The following BRSK2 variants were observed in gnomAD, a reference collection of about 807,000 sequenced individuals.
BRSK2 encodes BR serine/threonine kinase 2.
Under a neutral mutation model 83.3 loss-of-function variants are expected in BRSK2, and 19 were observed. That is an observed-to-expected ratio of 0.23 (90% confidence interval 0.16 to 0.33). The LOEUF is 0.33. BRSK2 is among the 10% of genes least tolerant of loss of function. The pLI, the probability that BRSK2 is intolerant of heterozygous loss-of-function variation, is 1.00. For synonymous variants in BRSK2, 519 were observed against 435.4 expected (o/e 1.19, Z -2.39); for missense variants, 798 against 1,042.3 (o/e 0.77, Z 3.23).
intron 1 of BRSK2, among the ~76,000 whole-genome samples, chr11:1,413,235 C>T (rs568930021): frequency 1.2e-4 from 19 of 152,220 alleles, no homozygotes; most frequent in South Asian, 1.2e-3. Context: ...GACGGCCCCT[C>T]GGGACACCCC....
At chr11:1,391,208 A>C (rs991896784) in intron 1 of BRSK2, among the ~76,000 whole-genome samples, 1 of 152,214 alleles carries the variant, frequency 6.6e-6, no homozygotes, top group African/African-American at 2.4e-5. Context: ...GGTCAGGCAC[A>C]TTCACAGAGT....
intron 16 of BRSK2, among the ~76,000 whole-genome samples, chr11:1,455,066 C>T (rs1394299764): frequency 5.3e-5 from 8 of 152,174 alleles, no homozygotes; most frequent in Admixed American, 1.3e-4. Context: ...TCCCTGGTCT[C>T]ACCCTGCCCT....
intron 1 of BRSK2, among the ~76,000 whole-genome samples, chr11:1,428,747 CATG>C (rs1171352209): frequency 6.6e-6 from 1 of 152,174 alleles, no homozygotes; most frequent in African/African-American, 2.4e-5. Context: ...CGTATGTGTG[CATG>C]ATGGTATGTG....
Position 1,395,308 on chromosome 11 carries a change from A to G in BRSK2, c.91+4933A>G, listed in dbSNP as rs534333468. Among the ~76,000 whole-genome samples the G allele has an allele frequency of 4.6e-5, 7 of 152,278 alleles. No homozygotes were observed. The South Asian group carries it at 6.2e-4, about 14-fold the overall frequency. On this transcript the variant is annotated intron_variant, in intron 1 of 19. Coordinates refer to ENST00000528841, the MANE Select transcript of BRSK2 (RefSeq NM_001256627.2). ...AGCCCGGGGAGCCAGCATGGTGGGT[A>G]GCCCTCCCATCTGAAGTCTCCCTGG...
chr11:1,462,236 C>T lies in BRSK2; in HGVS notation c.*1513C>T, dbSNP rs891421859. On this transcript the variant is annotated 3_prime_UTR_variant, in exon 20 of 20. Coordinates refer to ENST00000528841, the MANE Select transcript of BRSK2 (RefSeq NM_001256627.2). ...CCCGCCGCCGTGCTTCACCCCAGCT[C>T]CAGCTTCTGTGTTCCCTTCCGCCCA... 4 of 152,460 alleles carry T rather than the reference C, an allele frequency of 2.6e-5. No individual in the cohort carries two copies. Among genetic ancestry groups the T allele is most frequent in the Non-Finnish European group, 5.9e-5 (4 of 68,220 alleles). 9.4% of individuals were successfully genotyped at this position (152,460 alleles called of 1,614,324 possible).
intron 1 of BRSK2, among the ~76,000 whole-genome samples, chr11:1,397,556 G>A (rs929912226): frequency 1.3e-5 from 2 of 152,228 alleles, no homozygotes; most frequent in African/African-American, 2.4e-5. Context: ...GCTGCCCTAC[G>A]CTGCTTTGCC....
At chr11:1,415,007 G>A (rs561384471) in intron 1 of BRSK2, among the ~76,000 whole-genome samples, 5 of 152,198 alleles carry the variant, frequency 3.3e-5, no homozygotes, top group Admixed American at 6.5e-5. Flanking sequence ...GGAGTGGCGC[G>A]CTGTGGACGT....
intron 5 of BRSK2, 105 bp from the exon 6 acceptor site, chr11:1,443,001 A>G (rs1000103324): frequency 5.3e-6 from 7 of 1,318,080 alleles, no homozygotes; most frequent in South Asian, 1.5e-5. Flanking sequence ...GTCTGGCACC[A>G]CAGCCCTGGA....
At chr11:1,410,906 G>C in intron 1 of BRSK2, 1 of 987,588 alleles carries the variant, frequency 1.0e-6, no homozygotes, top group Non-Finnish European at 1.2e-6. Flanking sequence ...TTGTGCAGAA[G>C]GTGGGTGTTC....
intron 1 of BRSK2, among the ~76,000 whole-genome samples, chr11:1,416,330 G>A (rs1035680471): frequency 1.3e-5 from 2 of 152,200 alleles, no homozygotes; most frequent in African/African-American, 4.8e-5. Context: ...AGCATTGAGT[G>A]TTCTATTTCC....
At chr11:1,396,668 C>T (rs537843044) in intron 1 of BRSK2, among the ~76,000 whole-genome samples, 12 of 152,378 alleles carry the variant, frequency 7.9e-5, no homozygotes, top group Admixed American at 5.2e-4. Flanking sequence ...CCAGTCCTCA[C>T]TGGGCACAGA....
In BRSK2 at chr11:1,425,445, C is replaced by T. The variant is rs190650049; in HGVS notation, c.92-10595C>T. Among the ~76,000 whole-genome samples, 408 of 152,330 alleles carry T rather than the reference C, an allele frequency of 2.7e-3. 3 individuals are homozygous for T. Among genetic ancestry groups the T allele is most frequent in the African/African-American group, 9.3e-3 (386 of 41,568 alleles). ...GTCCTTGTGGTCTGTGGATGAGGCC[C>T]GCTTGGTCCCAGAGGTGCGGGTTGG... is the stretch of plus-strand genomic sequence containing the variant. On this transcript the variant is annotated intron_variant, in intron 1 of 19. Transcript: ENST00000528841.
chr11:1,427,995 C>T (rs1466232395), intron 1 of BRSK2, among the ~76,000 whole-genome samples: 1 of 152,194 alleles, frequency 6.6e-6, no homozygotes, highest in African/African-American at 2.4e-5. Flanking sequence ...GAAGCTTTAC[C>T]TAGGAGGGAC....
Position 1,438,813 on chromosome 11 carries a change from C to T in BRSK2, c.272+422C>T, listed in dbSNP as rs117247713. ...CCCTGAGGCTCCCTCACACGAGGCA[C>T]AGCCACCAGGATCCCGCCCTGGCTG... On this transcript the variant is annotated intron_variant, in intron 3 of 19. Coordinates refer to ENST00000528841, the MANE Select transcript of BRSK2 (RefSeq NM_001256627.2). This position sits in a 1 kb window ranked among gnomAD's most constrained non-coding sequence, Gnocchi z 6.4. 0.026 allele frequency among the ~76,000 whole-genome samples: 4,015 copies of T among 152,300 alleles called. 64 individuals are homozygous for T. Among genetic ancestry groups the T allele is most frequent in the Non-Finnish European group, 0.033 (2,253 of 68,010 alleles).
At chr11:1,397,443 C>G (rs1846200325) in intron 1 of BRSK2, among the ~76,000 whole-genome samples, 1 of 152,240 alleles carries the variant, frequency 6.6e-6, no homozygotes, top group South Asian at 2.1e-4. Flanking sequence ...CAGAGCAGTG[C>G]TCCCGAAAGT....
In BRSK2 at chr11:1,429,338, C is replaced by T. The variant is rs562721051; in HGVS notation, c.92-6702C>T. ...GTGCGTGTGCGCACAGGTGTGTGTCCTGGGTGCATGTGCACTCGGTGTGTG... is the reference window on the plus strand; with the variant it reads ...GTGCGTGTGCGCACAGGTGTGTGTCTTGGGTGCATGTGCACTCGGTGTGTG... On this transcript the variant is annotated intron_variant, in intron 1 of 19. Coordinates refer to ENST00000528841, the MANE Select transcript of BRSK2 (RefSeq NM_001256627.2). 3.7e-4 allele frequency among the ~76,000 whole-genome samples: 48 copies of T among 130,890 alleles called. No individual in the cohort carries two copies. In the South Asian group the frequency reaches 0.012, roughly 34 times the overall value. The allele number at this position is 130,890 out of a possible 152,430, so 85.9% of individuals were successfully genotyped here.
intron 1 of BRSK2, among the ~76,000 whole-genome samples, chr11:1,433,256 G>A (rs190343734): frequency 1.1e-4 from 17 of 152,348 alleles, no homozygotes; most frequent in Admixed American, 6.5e-4. Context: ...CCAGGGCTTC[G>A]CCACCTACCC....
At chr11:1,458,224 T>A (rs989787146) in intron 18 of BRSK2, among the ~76,000 whole-genome samples, 6 of 151,976 alleles carry the variant, frequency 3.9e-5, no homozygotes, top group Non-Finnish European at 8.8e-5. Flanking sequence ...CTGCGTGGGC[T>A]GTAGGCAAAG....
rs398015179 is a variant in BRSK2 at position 1,460,461 on chromosome 11, C to CTTTTTTTTTTTTTTTTTT, written c.1988-22_1988-21insTTTTTTTTTTTTTTTTTT. The CTTTTTTTTTTTTTTTTTT allele has an allele frequency of 1.3e-5, 7 of 544,460 alleles. 1 individual carries two copies. Among genetic ancestry groups the CTTTTTTTTTTTTTTTTTT allele is most frequent in the African/African-American group, 8.1e-5 (2 of 24,614 alleles). The allele number at this position is 544,460 out of a possible 1,614,324, so 33.7% of individuals were successfully genotyped here. ...CTCTCCCCCTTTTTTTTCTTTTTTCCTTTTTTTTTTTTTTTTTGTCTCTGT... is the reference window on the plus strand; with the variant it reads ...CTCTCCCCCTTTTTTTTCTTTTTTCCTTTTTTTTTTTTTTTTTTTTTTTTTTTTTTTTTTTGTCTCTGT... On this transcript the variant is annotated intron_variant, in intron 19 of 19. Coordinates refer to ENST00000528841, the MANE Select transcript of BRSK2 (RefSeq NM_001256627.2).
Sources: allele counts gnomAD v4.1 joint callset (sites outside exome capture counted in the v4.1 genomes callset), GRCh38; gene constraint gnomAD v4.1.1; non-coding constraint Gnocchi (gnomAD v3.1); transcripts MANE v1.5; gene names NCBI Gene and HGNC (gene_info 2026-07-23, HGNC 2026-07-21).